SAMMSON: variants seen among roughly 807,000 people sequenced by gnomAD.
SAMMSON encodes the protein survival associated mitochondrial melanoma specific oncogenic non-coding RNA, also known as long intergenic non-protein coding RNA 1212.
intron 4 of SAMMSON, among the ~76,000 whole-genome samples, chr3:70,201,177 C>A (rs1701234413): frequency 1.3e-5 from 2 of 152,028 alleles, no homozygotes; most frequent in Admixed American, 1.3e-4. Context: ...CATTATTTTT[C>A]CTGATCCTCT....
intron 6 of SAMMSON, among the ~76,000 whole-genome samples, chr3:70,276,276 A>G (rs1702024965): frequency 6.6e-6 from 1 of 152,162 alleles, no homozygotes; most frequent in Non-Finnish European, 1.5e-5. Context: ...CATAAATATT[A>G]TTCTTCCAAT....
At chr3:70,216,842 C>T (rs1701416541) in intron 4 of SAMMSON, among the ~76,000 whole-genome samples, 1 of 152,122 alleles carries the variant, frequency 6.6e-6, no homozygotes, top group South Asian at 2.1e-4. Flanking sequence ...ATTGTTATGA[C>T]TGGGCTAGAT....
At chr3:70,122,391 G>A (rs911419208) in intron 4 of SAMMSON, among the ~76,000 whole-genome samples, 2 of 151,986 alleles carry the variant, frequency 1.3e-5, no homozygotes, top group Non-Finnish European at 2.9e-5. Context: ...GTGTGGAGAC[G>A]GGGTTTGGGG....
chr3:70,191,897 A>G (rs1701133448), intron 4 of SAMMSON, among the ~76,000 whole-genome samples: 1 of 151,778 alleles, frequency 6.6e-6, no homozygotes, highest in African/African-American at 2.4e-5. Context: ...AAAAAAAAAA[A>G]AAAGGAAATA....
intron 1 of SAMMSON, among the ~76,000 whole-genome samples, chr3:70,005,623 A>G (rs1434454884): frequency 1.3e-5 from 2 of 152,156 alleles, no homozygotes; most frequent in African/African-American, 4.8e-5. Flanking sequence ...GCAGGACCAG[A>G]TTCAGAAAAA....
chr3:70,253,212 C>T (rs796111720), intron 6 of SAMMSON, among the ~76,000 whole-genome samples: 1 of 152,128 alleles, frequency 6.6e-6, no homozygotes, highest in East Asian at 1.9e-4. Flanking sequence ...TAGGGTCAGT[C>T]CTTACTGAGA....
chr3:70,341,915 A>T (rs980304070), intron 7 of SAMMSON, among the ~76,000 whole-genome samples: 25 of 152,334 alleles, frequency 1.6e-4, no homozygotes, highest in African/African-American at 5.1e-4. Context: ...AGTAATATGT[A>T]AAGCCTGTTG....
intron 4 of SAMMSON, among the ~76,000 whole-genome samples, chr3:70,129,335 AG>A (rs2067472002): frequency 6.6e-6 from 1 of 152,232 alleles, no homozygotes; most frequent in Non-Finnish European, 1.5e-5. Context: ...CAACCTTAAA[AG>A]ATAAACATTT....
chr3:70,243,789 TA>T (rs1174170764), intron 4 of SAMMSON, among the ~76,000 whole-genome samples: 2 of 152,142 alleles, frequency 1.3e-5, no homozygotes, highest in South Asian at 2.1e-4. Flanking sequence ...GGAATTTCCA[TA>T]AAAAGCACTG....
chr3:70,045,112 T>A (rs1420784373), intron 3 of SAMMSON, among the ~76,000 whole-genome samples: 37 of 80,776 alleles, frequency 4.6e-4, no homozygotes, highest in African/African-American at 1.0e-3. Context: ...TATTATAATT[T>A]ATATATATTA....
chr3:70,280,972 C>T (rs184186028), intron 6 of SAMMSON, among the ~76,000 whole-genome samples: 3 of 152,294 alleles, frequency 2.0e-5, no homozygotes, highest in Admixed American at 2.0e-4. Context: ...CGTATTTCTA[C>T]ACAGCTGTAC....
intron 4 of SAMMSON, among the ~76,000 whole-genome samples, chr3:70,073,715 C>G (rs78544193): frequency 1.3e-5 from 2 of 151,830 alleles, no homozygotes; most frequent in East Asian, 3.9e-4. Context: ...AGAATTCAGC[C>G]AAACTCATTT....
chr3:70,120,687 G>C (rs1472495628), intron 4 of SAMMSON: 2 of 152,214 alleles, frequency 1.3e-5, no homozygotes. Flanking sequence ...TGAATTGGCA[G>C]TGAAATATTA....
At chr3:70,174,658 G>A (rs1225561346) in intron 4 of SAMMSON, among the ~76,000 whole-genome samples, 1 of 151,928 alleles carries the variant, frequency 6.6e-6, no homozygotes, top group Admixed American at 6.6e-5. Context: ...ACAGAATTTA[G>A]TTTTATTGTA....
chr3:70,350,320 A>G (rs1413044191), intron 7 of SAMMSON, among the ~76,000 whole-genome samples: 1 of 152,202 alleles, frequency 6.6e-6, no homozygotes, highest in East Asian at 1.9e-4. Context: ...GTACATTGAA[A>G]TTCCAAATAA....
At chr3:70,120,301 G>GATA (rs1270334915) in intron 4 of SAMMSON, 1 of 152,216 alleles carries the variant, frequency 6.6e-6, no homozygotes, top group Non-Finnish European at 1.5e-5. Flanking sequence ...AGGGATGTAT[G>GATA]GCATTTGGTG....
At chr3:70,239,256 T>C (rs1165557691) in intron 4 of SAMMSON, among the ~76,000 whole-genome samples, 1 of 152,270 alleles carries the variant, frequency 6.6e-6, no homozygotes, top group Middle Eastern at 3.4e-3. Flanking sequence ...GTTATCTTGA[T>C]TTCAAAGATT....
intron 4 of SAMMSON, chr3:70,120,164 C>T (rs947685146): frequency 1.4e-4 from 21 of 152,154 alleles, no homozygotes; most frequent in African/African-American, 4.6e-4. Flanking sequence ...ACATGAAGTA[C>T]GAAGAAAACA....
intron 4 of SAMMSON, among the ~76,000 whole-genome samples, chr3:70,234,749 C>T (rs890833824): frequency 6.6e-6 from 1 of 152,130 alleles, no homozygotes. Flanking sequence ...TACTCACAGA[C>T]CAACTTTTCT....
Sources: gnomAD v4.1 joint callset for allele counts (sites outside exome capture counted in the v4.1 genomes callset) on GRCh38, gnomAD v4.1.1 for gene constraint, MANE v1.5 for transcripts, NCBI Gene and HGNC (gene_info 2026-07-23, HGNC 2026-07-21) for gene names.